The following SLIT2 variants were observed in gnomAD, a reference collection of about 807,000 sequenced individuals.
The protein encoded by SLIT2 is slit guidance ligand 2.
SLIT2 carries 41 observed loss-of-function variants against 185.7 expected under a neutral mutation model. That is an observed-to-expected ratio of 0.22 (90% CI 0.17 to 0.29). SLIT2 has a LOEUF of 0.29. Ranked by LOEUF, SLIT2 falls within the 10% of genes least tolerant of loss-of-function variation. The pLI, the probability that SLIT2 is intolerant of heterozygous loss-of-function variation, is 1.00. For synonymous variants in SLIT2, 693 were observed against 680.2 expected (o/e 1.02, Z -0.29); for missense variants, 1,571 against 1,909.0 (o/e 0.82, Z 3.30).
At chr4:20,256,528 G>A in intron 1 of SLIT2, 144 bp from the exon 2 acceptor site, 4 of 510,760 alleles carry the variant, frequency 7.8e-6, no homozygotes, top group South Asian at 3.5e-5. Flanking sequence ...TCCTTTTAAA[G>A]GTTATCCTCT....
chr4:20,472,564 C>CGATATATCGATATATCGA (rs60691515), intron 5 of SLIT2, among the ~76,000 whole-genome samples: 1 of 4,662 alleles, frequency 2.1e-4, no homozygotes, highest in Non-Finnish European at 3.1e-4. Flanking sequence ...AGATATATAT[C>CGATATATCGATATATCGA]TATATATAGA....
chr4:20,446,354 C>T (rs1560429858), intron 4 of SLIT2, among the ~76,000 whole-genome samples: 1 of 152,206 alleles, frequency 6.6e-6, no homozygotes, highest in Non-Finnish European at 1.5e-5. Flanking sequence ...CCGGCCTGAA[C>T]ACCACTTCCA....
At chr4:20,579,270 G>T (rs940177238) in intron 29 of SLIT2, among the ~76,000 whole-genome samples, 2 of 150,476 alleles carry the variant, frequency 1.3e-5, no homozygotes, top group Non-Finnish European at 2.9e-5. Flanking sequence ...CTGCACTTTA[G>T]CCTGGGTGAC....
rs376329517 is a variant in SLIT2 at position 20,542,596 on chromosome 4, C to T, written c.2246C>T (p.Pro749Leu). ...AGCAACAAGGGTTTGAAGGTCTTGC[C>T]GAAAGGTATTCCAAGAGATGTCACA... is the stretch of plus-strand genomic sequence containing the variant. ...RCSNKGLKVLPKGIPRDVTEL... is the reference protein window; with the variant it reads ...RCSNKGLKVLLKGIPRDVTEL... The change falls in exon 21 of 37, where the codon CCG becomes CTG. Residue 749 changes from proline (P) to leucine (L), a missense_variant. Transcript: ENST00000504154. The T allele has an allele frequency of 2.8e-5, 45 of 1,613,576 alleles. No individual in the cohort carries two copies. Among genetic ancestry groups the T allele is most frequent in the South Asian group, 9.9e-5 (9 of 91,054 alleles).
intron 29 of SLIT2, among the ~76,000 whole-genome samples, chr4:20,580,599 ATTG>A (rs1011736662): frequency 2.6e-5 from 4 of 152,080 alleles, no homozygotes; most frequent in African/African-American, 9.7e-5. Flanking sequence ...GAAGAGGAGA[ATTG>A]TTGTTATTAT....
At chr4:20,533,387 C>A in intron 17 of SLIT2, 185 bp from the exon 18 acceptor site, 1 of 587,032 alleles carries the variant, frequency 1.7e-6, no homozygotes, top group Non-Finnish European at 3.1e-6. Context: ...ACAGACATTC[C>A]CTGTTAGTAT....
chr4:20,605,072 G>C (rs921119735), intron 33 of SLIT2, among the ~76,000 whole-genome samples: 1 of 152,100 alleles, frequency 6.6e-6, no homozygotes, highest in African/African-American at 2.4e-5. Flanking sequence ...CTGACATCGA[G>C]ATCCACCCAC....
chr4:20,612,514 G>T lies in SLIT2; in HGVS notation c.3847+2347G>T, dbSNP rs114280674. On this transcript the variant is annotated intron_variant, in intron 34 of 36. Coordinates refer to ENST00000504154, the MANE Select transcript of SLIT2 (RefSeq NM_004787.4). ...AGAGTGCAGTCTCAAGGGTGACTCA[G>T]ATTTTCAAACCACAAGGAACCTGTA... Among the ~76,000 whole-genome samples the T allele has an allele frequency of 7.6e-3, 1,162 of 152,194 alleles. 17 individuals are homozygous for T. The highest frequency in any genetic ancestry group is 0.024 in the Middle Eastern group (7 of 294).
chr4:20,306,559 C>T (rs914846912), intron 4 of SLIT2, among the ~76,000 whole-genome samples: 2 of 152,086 alleles, frequency 1.3e-5, no homozygotes, highest in Non-Finnish European at 2.9e-5. Context: ...CCAGGTAATC[C>T]ATTGAGTATT....
intron 4 of SLIT2, among the ~76,000 whole-genome samples, chr4:20,372,214 T>A (rs1424163651): frequency 6.6e-6 from 1 of 152,100 alleles, no homozygotes; most frequent in Non-Finnish European, 1.5e-5. Context: ...TGATTCTATT[T>A]CCATTTCACA....
intron 4 of SLIT2, among the ~76,000 whole-genome samples, chr4:20,404,136 T>G (rs557883242): frequency 1.3e-5 from 2 of 152,090 alleles, no homozygotes; most frequent in Admixed American, 1.3e-4. Context: ...ACAGAGAACA[T>G]ACTATCTGAA....
intron 4 of SLIT2, among the ~76,000 whole-genome samples, chr4:20,379,596 A>G (rs1238282521): frequency 6.6e-6 from 1 of 152,164 alleles, no homozygotes; most frequent in Non-Finnish European, 1.5e-5. Context: ...CTTTACTGAC[A>G]CAGACCTGCC....
At chr4:20,487,485 G>T (rs765719017) in intron 7 of SLIT2, among the ~76,000 whole-genome samples, 1 of 152,032 alleles carries the variant, frequency 6.6e-6, no homozygotes, top group African/African-American at 2.4e-5. Context: ...GTAGAAATTC[G>T]TGAGTTTGTC....
At chr4:20,596,718 A>G (rs527981530) in intron 32 of SLIT2, 63 bp downstream of exon 32, 3 of 1,503,240 alleles carry the variant, frequency 2.0e-6, no homozygotes, top group East Asian at 4.5e-5. Context: ...GAGAATAAAC[A>G]TTTGTGGTAG....
At chr4:20,577,412 A>C (rs1726165315) in intron 29 of SLIT2, among the ~76,000 whole-genome samples, 4 of 152,190 alleles carry the variant, frequency 2.6e-5, no homozygotes, top group Admixed American at 2.6e-4. Flanking sequence ...GAATTATGAT[A>C]AACTTTTATC....
intron 4 of SLIT2, among the ~76,000 whole-genome samples, chr4:20,332,213 C>T (rs1720120125): frequency 6.6e-6 from 1 of 152,186 alleles, no homozygotes; most frequent in South Asian, 2.1e-4. Context: ...CATACACACA[C>T]ACACCCACAC....
chr4:20,584,294 C>A lies in SLIT2; in HGVS notation c.3089-5350C>A, dbSNP rs189102443. Among the ~76,000 whole-genome samples, 53 of 152,298 alleles carry A rather than the reference C, an allele frequency of 3.5e-4. No homozygotes were observed. In the East Asian group the frequency reaches 9.5e-3, roughly 27 times the overall value. On this transcript the variant is annotated intron_variant, in intron 29 of 36. Transcript: ENST00000504154. ...CCATCCTAGACAATAATACAACTAACCAAATGTCATTTTCCCCAATAAGAA... is the reference window on the plus strand; with the variant it reads ...CCATCCTAGACAATAATACAACTAAACAAATGTCATTTTCCCCAATAAGAA...
At chr4:20,473,238 A>G (rs1715754139) in intron 5 of SLIT2, among the ~76,000 whole-genome samples, 1 of 141,316 alleles carries the variant, frequency 7.1e-6, no homozygotes, top group Non-Finnish European at 1.6e-5. Context: ...TCTCAATTCC[A>G]TTAACCCTAT....
At chr4:20,577,831 A>C (rs1317196927) in intron 29 of SLIT2, among the ~76,000 whole-genome samples, 1 of 152,222 alleles carries the variant, frequency 6.6e-6, no homozygotes. Context: ...TCGAATTTAT[A>C]AAATTTGGTA....
Sources: allele counts gnomAD v4.1 joint callset (sites outside exome capture counted in the v4.1 genomes callset), GRCh38; gene constraint gnomAD v4.1.1; transcripts MANE v1.5; gene names NCBI Gene and HGNC (gene_info 2026-07-23, HGNC 2026-07-21).